The following RGS7 variants were observed in gnomAD, a reference collection of about 807,000 sequenced individuals.
The protein encoded by RGS7 is regulator of G-protein signaling 7.
In RGS7, 27 loss-of-function variants were observed where a neutral mutation model predicts 81.1. That is an observed-to-expected ratio of 0.33 (90% CI 0.25 to 0.46). RGS7 has a LOEUF of 0.46. Among genes scored for constraint, RGS7 ranks in the 20% least tolerant of loss-of-function variants. The pLI is 1.00. For missense variants in RGS7, 396 were observed against 607.4 expected, an observed-to-expected ratio of 0.65 and a Z score of 3.66; for synonymous variants, 208 against 207.7, an observed-to-expected ratio of 1.00 and a Z score of -0.01.
chr1:241,328,598 T>G (rs2081762303), intron 2 of RGS7, among the ~76,000 whole-genome samples: 1 of 152,212 alleles, frequency 6.6e-6, no homozygotes, highest in Non-Finnish European at 1.5e-5. Flanking sequence ...TGCTCACTCC[T>G]CTAATTTTCA....
intron 3 of RGS7, among the ~76,000 whole-genome samples, chr1:241,043,708 GAAC>G (rs1462310245): frequency 6.7e-6 from 1 of 149,882 alleles, no homozygotes; most frequent in Non-Finnish European, 1.5e-5. Flanking sequence ...CAAAAAACAA[GAAC>G]AATTAAAAAA....
chr1:240,804,452 T>TA (rs148128306), intron 15 of RGS7, among the ~76,000 whole-genome samples: 1 of 151,768 alleles, frequency 6.6e-6, no homozygotes, highest in African/African-American at 2.4e-5. Context: ...AGATTTTTTT[T>TA]AAAAACCACA....
chr1:241,133,419 T>C (rs1425895412), intron 2 of RGS7, among the ~76,000 whole-genome samples: 1 of 151,878 alleles, frequency 6.6e-6, no homozygotes, highest in Non-Finnish European at 1.5e-5. Flanking sequence ...AATTTATTAA[T>C]GGGTTTGTTA....
rs61832559 is a variant in RGS7, at chr1:241,112,592, T to C, written c.79-13830A>G. ...TGATTTATTTGTCTTAGGTGTTTCA[T>C]GGTTTTCAAAGTTTTAAAGTGGTTT... On this transcript the variant is annotated intron_variant, in intron 2 of 18. Transcript: ENST00000440928. 8.5e-3 allele frequency among the ~76,000 whole-genome samples: 1,301 copies of C among 152,338 alleles called. 13 individuals carry two copies. Among genetic ancestry groups the C allele is most frequent in the Non-Finnish European group, 0.015 (998 of 68,028 alleles).
Position 240,930,763 on chromosome 1 carries a change from G to A in RGS7, c.339C>T (p.Pro113=), listed in dbSNP as rs746371045. Reference sequence around the variant, plus strand: ...CCCAACAATTTGATGGCCAAAAATAGGGGGTCTGCGGAATGAAAAGAAGTG... The same window carrying A: ...CCCAACAATTTGATGGCCAAAAATAAGGGGTCTGCGGAATGAAAAGAAGTG... ...DDGTFYRFQT[P]YFWPSNCWEP... The change falls in exon 6 of 19, where the codon CCC becomes CCT. Residue 113 remains proline (P), a synonymous_variant. Transcript: ENST00000440928. 12 of 1,613,816 alleles carry A rather than the reference G, an allele frequency of 7.4e-6. No individual in the cohort carries two copies. The East Asian group carries it at 2.5e-4, about 33-fold the overall frequency.
At chr1:241,022,899 A>C (rs1360426211) in intron 3 of RGS7, among the ~76,000 whole-genome samples, 1 of 152,134 alleles carries the variant, frequency 6.6e-6, no homozygotes, top group East Asian at 1.9e-4. Flanking sequence ...TGGTGGCCTC[A>C]CTAAACCTCA....
chr1:241,006,850 T>A (rs12026885), intron 3 of RGS7, among the ~76,000 whole-genome samples: 1 of 152,036 alleles, frequency 6.6e-6, no homozygotes, highest in South Asian at 2.1e-4. Context: ...CTGAAAATAA[T>A]AATGAAGCCC....
At chr1:241,151,483 C>G (rs58910618) in intron 2 of RGS7, among the ~76,000 whole-genome samples, 1 of 151,598 alleles carries the variant, frequency 6.6e-6, no homozygotes, top group Non-Finnish European at 1.5e-5. Flanking sequence ...CCTAAACAAC[C>G]AGGAGAGGAG....
At chr1:241,207,184 G>T (rs1007373928) in intron 2 of RGS7, among the ~76,000 whole-genome samples, 6 of 150,912 alleles carry the variant, frequency 4.0e-5, no homozygotes, top group African/African-American at 1.5e-4. Flanking sequence ...AGCCAGGTTG[G>T]TCTCAATCTC....
chr1:241,207,464 A>G (rs1183281147), intron 2 of RGS7, among the ~76,000 whole-genome samples: 2 of 151,974 alleles, frequency 1.3e-5, no homozygotes, highest in Non-Finnish European at 2.9e-5. Flanking sequence ...CTAAACACCT[A>G]TATATTCCAG....
chr1:240,927,720 T>C (rs1674686800), intron 6 of RGS7, among the ~76,000 whole-genome samples: 1 of 152,206 alleles, frequency 6.6e-6, no homozygotes, highest in African/African-American at 2.4e-5. Context: ...AATGGAATAA[T>C]TACATTATTG....
chr1:241,280,759 C>T (rs2078456399), intron 2 of RGS7, among the ~76,000 whole-genome samples: 1 of 152,200 alleles, frequency 6.6e-6, no homozygotes, highest in South Asian at 2.1e-4. Flanking sequence ...CCTCAGCTTC[C>T]CAAAGTGCTG....
rs900850774 is a variant in RGS7 at position 241,188,138 on chromosome 1, A to C, written c.79-89376T>G. ...TAAATGTTTTGGGAGATGGATATCC[A>C]AATTACCATAACTTGATCATTACAC... On this transcript the variant is annotated intron_variant, in intron 2 of 18. Transcript: ENST00000440928. Among the ~76,000 whole-genome samples, 4 of 122,038 alleles carry C rather than the reference A, an allele frequency of 3.3e-5. No homozygotes were observed. In the Admixed American group the frequency reaches 3.7e-4, roughly 11 times the overall value. 80.1% of individuals were successfully genotyped at this position (122,038 alleles called of 152,430 possible). A position where few individuals can be genotyped will look rare whatever the true frequency, so the allele number is the denominator to read the frequency against.
At chr1:241,206,886 G>T (rs1263287068) in intron 2 of RGS7, among the ~76,000 whole-genome samples, 1 of 149,996 alleles carries the variant, frequency 6.7e-6, no homozygotes, top group East Asian at 2.0e-4. Context: ...AGCACTTAGT[G>T]CTGTCTCAAT....
chr1:241,286,614 T>C (rs2078824900), intron 2 of RGS7, among the ~76,000 whole-genome samples: 1 of 152,196 alleles, frequency 6.6e-6, no homozygotes, highest in Admixed American at 6.5e-5. Flanking sequence ...TCAGTCTGAT[T>C]CAACCTCGGA....
intron 10 of RGS7, among the ~76,000 whole-genome samples, chr1:240,820,658 G>A (rs567498374): frequency 7.2e-5 from 11 of 152,250 alleles, no homozygotes; most frequent in African/African-American, 1.7e-4. Flanking sequence ...CTCGTTTGCC[G>A]ATTCCACGAT....
chr1:241,294,040 C>A (rs2079245690), intron 2 of RGS7, among the ~76,000 whole-genome samples: 1 of 152,130 alleles, frequency 6.6e-6, no homozygotes. Flanking sequence ...GGAAGCAACC[C>A]AAATCCCCAT....
chr1:241,278,766 G>A (rs948667904), intron 2 of RGS7, among the ~76,000 whole-genome samples: 2 of 152,174 alleles, frequency 1.3e-5, no homozygotes, highest in Non-Finnish European at 2.9e-5. Context: ...GAACTGCCAC[G>A]TGGCGCATCC....
At chr1:241,334,412 G>T (rs1439443874) in intron 2 of RGS7, among the ~76,000 whole-genome samples, 2 of 152,096 alleles carry the variant, frequency 1.3e-5, no homozygotes, top group African/African-American at 4.8e-5. Flanking sequence ...GGGTCATAAA[G>T]ATCATTCCAC....
Sources: gnomAD v4.1 joint callset for allele counts (sites outside exome capture counted in the v4.1 genomes callset) on GRCh38, gnomAD v4.1.1 for gene constraint, MANE v1.5 for transcripts, NCBI Gene and HGNC (gene_info 2026-07-23, HGNC 2026-07-21) for gene names.